Variants in SNX25 observed in about 807,000 individuals in gnomAD.
The protein encoded by SNX25 is sorting nexin 25.
A neutral mutation model predicts 113.7 loss-of-function variants in SNX25; 62 were observed. The ratio of observed to expected loss-of-function variants is 0.55; its 90% CI spans 0.44 to 0.67. The LOEUF (loss-of-function observed/expected upper bound fraction) is 0.67, where lower values mean the gene tolerates loss of function less well. Among genes scored for constraint, SNX25 ranks in the 30% least tolerant of loss-of-function variants. The pLI is 0.00. For missense variants in SNX25, 1,014 were observed against 1,161.0 expected, an observed-to-expected ratio of 0.87 and a Z score of 1.84; for synonymous variants, 421 against 436.2, an observed-to-expected ratio of 0.97 and a Z score of 0.43.
At chr4:185,257,752 C>G (rs1746666667) in intron 2 of SNX25, among the ~76,000 whole-genome samples, 1 of 151,862 alleles carries the variant, frequency 6.6e-6, no homozygotes, top group African/African-American at 2.4e-5. Flanking sequence ...CTCTCATATT[C>G]AAATTAGATA....
At chr4:185,377,914 A>G in the SNX25 span, 1 of 594,332 alleles carries the variant, frequency 1.7e-6, no homozygotes, top group South Asian at 2.4e-5. Context: ...TTGCTACCAG[A>G]TAAATGAGCA....
At chr4:185,311,532 G>A (rs1288570) in intron 7 of SNX25, among the ~76,000 whole-genome samples, 4,305 of 152,242 alleles carry the variant, frequency 0.028, 180 homozygotes, top group African/African-American at 0.094. Context: ...AAGCAGCCAC[G>A]TGACCCACTC....
intron 1 of SNX25, among the ~76,000 whole-genome samples, chr4:185,225,742 C>T (rs750932033): frequency 1.3e-5 from 2 of 152,170 alleles, no homozygotes; most frequent in African/African-American, 4.8e-5. Context: ...TTAATTCTTA[C>T]ATCAATCATG....
At chr4:185,374,500 GT>G, downstream of SNX25, 1 of 1,599,674 alleles carries the variant, frequency 6.3e-7, no homozygotes, top group South Asian at 1.1e-5. Flanking sequence ...CTAGTTTTTA[GT>G]TTTACCCAAA....
intron 6 of SNX25, among the ~76,000 whole-genome samples, chr4:185,292,392 A>ATTTG (rs371250837): frequency 5.5e-4 from 83 of 152,042 alleles, no homozygotes; most frequent in African/African-American, 1.2e-3. Flanking sequence ...ACAGGAGTTT[A>ATTTG]TTTGTTTGTT....
intron 9 of SNX25, among the ~76,000 whole-genome samples, chr4:185,329,590 C>T (rs973763811): frequency 5.9e-5 from 9 of 152,074 alleles, no homozygotes; most frequent in African/African-American, 1.9e-4. Context: ...GCAGATTTTA[C>T]GAATCGGCTG....
intron 5 of SNX25, among the ~76,000 whole-genome samples, chr4:185,275,238 T>C (rs1304646279): frequency 6.6e-6 from 1 of 152,202 alleles, no homozygotes; most frequent in Non-Finnish European, 1.5e-5. Context: ...GACCCCTCAT[T>C]TGAAGATCAA....
chr4:185,229,797 G>C (rs2126401771), intron 1 of SNX25, among the ~76,000 whole-genome samples: 1 of 152,214 alleles, frequency 6.6e-6, no homozygotes, highest in South Asian at 2.1e-4. Flanking sequence ...GACCATTCCA[G>C]GAAAATAAAT....
At chr4:185,307,066 GCCTGTGGCCCTTTGTGTTAAGTA>G (rs1356522155) in intron 6 of SNX25, among the ~76,000 whole-genome samples, 4 of 152,214 alleles carry the variant, frequency 2.6e-5, no homozygotes, top group Non-Finnish European at 5.9e-5. Context: ...CCTGAGGCCT[GCCTGTGGCCCTTTGTGTTAAGTA>G]CCGGAAAAGC....
At chr4:185,220,258 C>T (rs944415149) in intron 1 of SNX25, among the ~76,000 whole-genome samples, 1 of 115,754 alleles carries the variant, frequency 8.6e-6, no homozygotes, top group South Asian at 2.8e-4. Context: ...TGTCTCTGTT[C>T]CTCTTGTTTC....
intron 1 of SNX25, among the ~76,000 whole-genome samples, chr4:185,226,251 G>A (rs539869304): frequency 2.6e-5 from 4 of 152,140 alleles, no homozygotes; most frequent in East Asian, 1.9e-4. Flanking sequence ...CTTTTTCTGC[G>A]GCTGTATTAC....
Position 185,361,940 on chromosome 4 carries a change from G to A in SNX25, c.2668G>A (p.Val890Ile). The A allele has an allele frequency of 6.2e-7, 1 of 1,613,970 alleles. No homozygotes were observed. The highest frequency in any genetic ancestry group is 8.5e-7 in the Non-Finnish European group (1 of 1,179,964). The change falls in exon 17 of 19, where the codon GTC (valine) becomes ATC (isoleucine). Residue 890 changes from valine to isoleucine, a missense_variant. Val to Ile is a conservative substitution (Grantham distance 29). Transcript: ENST00000652585. ...TCTTAAAAGACAAATCCGGGACACA[G>A]TCAGCTGGATTTTCAGTGAGCAAAT... ...RTINKQIRDTVSWIFSEQMLV... is the reference protein window; with the variant it reads ...RTINKQIRDTISWIFSEQMLV...
At chr4:185,246,068 A>C (rs531556617) in intron 1 of SNX25, among the ~76,000 whole-genome samples, 1 of 152,188 alleles carries the variant, frequency 6.6e-6, no homozygotes, top group East Asian at 1.9e-4. Flanking sequence ...AGGTGATCAC[A>C]TGAGGTCAGG....
the SNX25 span, chr4:185,376,788 T>G: frequency 4.4e-5 from 29 of 664,714 alleles, no homozygotes; most frequent in Non-Finnish European, 7.6e-5. Flanking sequence ...ACAGCCATAG[T>G]CGATGTAATT....
At chr4:185,341,772 C>T (rs2095261027) in intron 11 of SNX25, among the ~76,000 whole-genome samples, 1 of 152,146 alleles carries the variant, frequency 6.6e-6, no homozygotes. Context: ...GTTAGGCCCA[C>T]CCAGGAAATC....
intron 5 of SNX25, among the ~76,000 whole-genome samples, chr4:185,267,651 A>T (rs1434851415): frequency 6.6e-6 from 1 of 151,958 alleles, no homozygotes; most frequent in Admixed American, 6.6e-5. Flanking sequence ...GAATCACTTG[A>T]ACCTGGGAGG....
chr4:185,267,710 G>A (rs571573494), intron 5 of SNX25, among the ~76,000 whole-genome samples: 51 of 150,308 alleles, frequency 3.4e-4, no homozygotes, highest in Non-Finnish European at 5.3e-4. Flanking sequence ...CAGCCTGGGT[G>A]ACAGAGTGAG....
At chr4:185,262,156 T>G (rs1035324468) in intron 3 of SNX25, among the ~76,000 whole-genome samples, 5 of 152,244 alleles carry the variant, frequency 3.3e-5, no homozygotes, top group Non-Finnish European at 7.3e-5. Flanking sequence ...AATAATAAAT[T>G]GCCTTAATAA....
At chr4:185,323,374 T>G (rs1467414335) in intron 8 of SNX25, among the ~76,000 whole-genome samples, 154 bp from the exon 9 acceptor site, 1 of 152,172 alleles carries the variant, frequency 6.6e-6, no homozygotes, top group African/African-American at 2.4e-5. Context: ...ATCTGACATT[T>G]GCTCCTTGAC....
Sources: allele counts gnomAD v4.1 joint callset (sites outside exome capture counted in the v4.1 genomes callset), GRCh38; gene constraint gnomAD v4.1.1; transcripts MANE v1.5; gene names NCBI Gene and HGNC (gene_info 2026-07-23, HGNC 2026-07-21).